NRG3: variants seen among roughly 807,000 people sequenced by gnomAD.
NRG3 encodes pro-neuregulin-3, membrane-bound isoform.
In NRG3, 31 loss-of-function variants were observed where a neutral mutation model predicts 66.9. That is an observed-to-expected ratio of 0.46 (90% CI 0.35 to 0.63). The LOEUF (loss-of-function observed/expected upper bound fraction) is 0.63, where lower values mean the gene tolerates loss of function less well. Among genes scored for constraint, NRG3 ranks in the 20% least tolerant of loss-of-function variants. The probability of loss-of-function intolerance (pLI) is 0.00; values close to 1 mark genes in which losing one functional copy is unlikely to be tolerated. For synonymous variants in NRG3, 393 were observed against 359.4 expected (o/e 1.09, Z -1.06); for missense variants, 910 against 878.9 (o/e 1.04, Z -0.45).
At chr10:82,102,463 T>C (rs1332379081) in intron 1 of NRG3, among the ~76,000 whole-genome samples, 1 of 151,556 alleles carries the variant, frequency 6.6e-6, no homozygotes, top group Non-Finnish European at 1.5e-5. Context: ...ACAGTAATTA[T>C]TGACATGGTT....
At chr10:82,586,498 G>T (rs2046677861) in intron 2 of NRG3, among the ~76,000 whole-genome samples, 2 of 152,136 alleles carry the variant, frequency 1.3e-5, no homozygotes, top group East Asian at 1.9e-4. Context: ...TGCTGGTTAT[G>T]CCACTTATCA....
chr10:82,277,847 G>T (rs2078931016), intron 1 of NRG3, among the ~76,000 whole-genome samples: 1 of 152,122 alleles, frequency 6.6e-6, no homozygotes, highest in African/African-American at 2.4e-5. Flanking sequence ...ATTCCAGGAA[G>T]TGGCATAGTA....
At chr10:82,827,489 C>A (rs2062292828) in intron 3 of NRG3, among the ~76,000 whole-genome samples, 1 of 152,056 alleles carries the variant, frequency 6.6e-6, no homozygotes, top group African/African-American at 2.4e-5. Context: ...AGAGGAATAG[C>A]CCCAGGGAGA....
chr10:81,957,071 T>A (rs1346668266), intron 1 of NRG3, among the ~76,000 whole-genome samples: 1 of 152,178 alleles, frequency 6.6e-6, no homozygotes, highest in Non-Finnish European at 1.5e-5. Flanking sequence ...ACATGGTGCT[T>A]CTTGGATAGG....
chr10:82,281,577 A>G (rs1331499012), intron 1 of NRG3, among the ~76,000 whole-genome samples: 1 of 152,112 alleles, frequency 6.6e-6, no homozygotes, highest in Non-Finnish European at 1.5e-5. Flanking sequence ...GACTCAACGT[A>G]ATTCAACATG....
chr10:82,749,525 C>T (rs2058776466), intron 3 of NRG3, among the ~76,000 whole-genome samples: 1 of 152,084 alleles, frequency 6.6e-6, no homozygotes, highest in Non-Finnish European at 1.5e-5. Context: ...CCTGATTCTG[C>T]TCAACTCTCC....
chr10:82,657,584 T>A (rs1156334072), intron 2 of NRG3, among the ~76,000 whole-genome samples: 2 of 151,894 alleles, frequency 1.3e-5, no homozygotes, highest in Non-Finnish European at 2.9e-5. Context: ...GCAGTGCTAA[T>A]CATGGGCTAG....
intron 2 of NRG3, among the ~76,000 whole-genome samples, chr10:82,490,616 G>C (rs982820989): frequency 1.3e-5 from 2 of 151,966 alleles, no homozygotes; most frequent in African/African-American, 4.8e-5. Flanking sequence ...AAAAATTATA[G>C]CTTCAGCTGA....
In NRG3 at chr10:82,985,649, G is replaced by A. The variant is rs1853381093; in HGVS notation, c.*44G>A. ...GTGCATTCTATGCTTTGCTCAACAGGAAAGAGAGGAAATCAAATACAAATT... is the reference window on the plus strand; with the variant it reads ...GTGCATTCTATGCTTTGCTCAACAGAAAAGAGAGGAAATCAAATACAAATT... On this transcript the variant is annotated 3_prime_UTR_variant, in exon 9 of 9. Transcript: ENST00000372141. The A allele has an allele frequency of 1.9e-6, 3 of 1,552,440 alleles. No individual in the cohort carries two copies. In the South Asian group the frequency reaches 3.6e-5, roughly 19 times the overall value.
intron 2 of NRG3, among the ~76,000 whole-genome samples, chr10:82,725,338 C>G (rs550895861): frequency 6.6e-6 from 1 of 152,296 alleles, no homozygotes; most frequent in Non-Finnish European, 1.5e-5. Flanking sequence ...TTCATTTGAT[C>G]ATCACCTTAT....
At chr10:82,633,085 T>G (rs1451890960) in intron 2 of NRG3, among the ~76,000 whole-genome samples, 5 of 152,316 alleles carry the variant, frequency 3.3e-5, no homozygotes, top group African/African-American at 9.6e-5. Flanking sequence ...GCATCACATT[T>G]TCATCTGACT....
intron 1 of NRG3, among the ~76,000 whole-genome samples, chr10:82,147,191 C>G (rs2070326335): frequency 6.6e-6 from 1 of 152,182 alleles, no homozygotes; most frequent in Admixed American, 6.5e-5. Context: ...TGACCATTCT[C>G]TCATTTTCTC....
At chr10:82,031,104 A>G (rs2062549426) in intron 1 of NRG3, among the ~76,000 whole-genome samples, 1 of 152,148 alleles carries the variant, frequency 6.6e-6, no homozygotes, top group Non-Finnish European at 1.5e-5. Context: ...TCCGTAAAAC[A>G]TTTTACAGTA....
At chr10:82,603,079 T>C (rs894226351) in intron 2 of NRG3, among the ~76,000 whole-genome samples, 1 of 152,178 alleles carries the variant, frequency 6.6e-6, no homozygotes. Flanking sequence ...TTGGAAGATG[T>C]GTTATTGTTT....
intron 1 of NRG3, among the ~76,000 whole-genome samples, chr10:81,999,445 A>G (rs148317441): frequency 4.6e-5 from 7 of 152,358 alleles, no homozygotes; most frequent in African/African-American, 9.6e-5. Flanking sequence ...TAAAATTAAT[A>G]CAACATGGCT....
chr10:81,972,924 TTTTTAAC>T (rs1274605195), intron 1 of NRG3, among the ~76,000 whole-genome samples: 2 of 152,198 alleles, frequency 1.3e-5, no homozygotes, highest in Non-Finnish European at 2.9e-5. Context: ...AAAACAATCT[TTTTTAAC>T]TTTTAAGTTC....
intron 4 of NRG3, among the ~76,000 whole-genome samples, chr10:82,919,765 A>G (rs1846244286): frequency 1.3e-5 from 2 of 152,294 alleles, no homozygotes; most frequent in East Asian, 3.9e-4. Flanking sequence ...CATAATTTGT[A>G]TCAATATCCA....
intron 1 of NRG3, among the ~76,000 whole-genome samples, chr10:82,119,135 CACTT>C (rs1372902453): frequency 6.6e-6 from 1 of 152,116 alleles, no homozygotes; most frequent in Non-Finnish European, 1.5e-5. Flanking sequence ...ATACATCAAA[CACTT>C]ATTTTTTGTG....
chr10:82,009,674 T>C (rs1350431132), intron 1 of NRG3, among the ~76,000 whole-genome samples: 1 of 150,702 alleles, frequency 6.6e-6, no homozygotes, highest in Non-Finnish European at 1.5e-5. Flanking sequence ...GCACTCTCAA[T>C]AGAATTTTAC....
Sources: gnomAD v4.1 joint callset for allele counts (sites outside exome capture counted in the v4.1 genomes callset) on GRCh38, gnomAD v4.1.1 for gene constraint, MANE v1.5 for transcripts, NCBI Gene and HGNC (gene_info 2026-07-23, HGNC 2026-07-21) for gene names.